The following UMOD variants were observed in gnomAD, a reference collection of about 807,000 sequenced individuals.
UMOD encodes the protein uromodulin.
A neutral mutation model predicts 66.0 loss-of-function variants in UMOD; 64 were observed. That is an observed-to-expected ratio of 0.97 (90% CI 0.79 to 1.19). The LOEUF (loss-of-function observed/expected upper bound fraction) is 1.19, where lower values mean the gene tolerates loss of function less well. Ranked by LOEUF, UMOD falls within the 50% of genes most tolerant of loss-of-function variation. The probability of loss-of-function intolerance (pLI) is 0.00; values close to 1 mark genes in which losing one functional copy is unlikely to be tolerated. For synonymous variants in UMOD, 398 were observed against 352.7 expected, an observed-to-expected ratio of 1.13 and a Z score of -1.44; for missense variants, 764 against 850.9, an observed-to-expected ratio of 0.90 and a Z score of 1.27.
chr16:20,350,586 C>G, intron 2 of UMOD, 64 bp downstream of exon 2: 1 of 1,589,406 alleles, frequency 6.3e-7, no homozygotes. Context: ...ACATTGCTTC[C>G]CCCACACATT....
intron 7 of UMOD, among the ~76,000 whole-genome samples, chr16:20,339,781 T>G (rs538698779): frequency 6.6e-6 from 1 of 152,364 alleles, no homozygotes; most frequent in East Asian, 1.9e-4. Flanking sequence ...CCCTTTAGAA[T>G]ATAAGCTGTG....
Position 20,335,496 on chromosome 16 carries a change from G to A in UMOD, c.1847C>T (p.Ala616Val). Residue 616 changes from alanine (A) to valine (V), a missense_variant, in exon 10 of 11, where the codon GCT (alanine) becomes GTT (valine). By Grantham distance (64) the Ala-to-Val change is moderately conservative. Transcript: ENST00000396138. ...RKGVQATVSR[A>V]FSSLGLLKVW... is the part of the protein sequence containing the mutation. ...CCTGAACTTACCCAAGCTGCTAAAA[G>A]CCCTTGAGACTGTGGCCTGGACACC... 6.2e-7 allele frequency: 1 copy of A among 1,614,134 alleles called. No individual in the cohort carries two copies. Among genetic ancestry groups the A allele is most frequent in the African/African-American group, 1.3e-5 (1 of 75,040 alleles).
chr16:20,337,023 G>A (rs1176766415), intron 8 of UMOD, among the ~76,000 whole-genome samples: 1 of 152,192 alleles, frequency 6.6e-6, no homozygotes, highest in African/African-American at 2.4e-5. Flanking sequence ...CAAATAAAGT[G>A]GGCACAGTGC....
Position 20,352,680 on chromosome 16 carries a change from T to G in UMOD, c.-103+9A>C, listed in dbSNP as rs1047463878. 33 of 1,231,558 alleles carry G rather than the reference T, an allele frequency of 2.7e-5. No homozygotes were observed. The African/African-American group carries it at 4.8e-4, about 18-fold the overall frequency. The allele number at this position is 1,231,558 out of a possible 1,614,324, so 76.3% of individuals were successfully genotyped here. A position where few individuals can be genotyped will look rare whatever the true frequency, so the allele number is the denominator to read the frequency against. ...TGGGCTAGGAGAAGACAGCTACAGA[T>G]AGCCTTACCTGAAGCCAGAAAGGTA... is the stretch of plus-strand genomic sequence containing the variant. On this transcript the variant is annotated intron_variant, in intron 1 of 10. Transcript: ENST00000396138.
chr16:20,350,573 G>A, intron 2 of UMOD, 77 bp downstream of exon 2: 1 of 1,553,296 alleles, frequency 6.4e-7, no homozygotes, highest in Non-Finnish European at 8.8e-7. Context: ...TCTGACAGGT[G>A]CTACATTGCT....
intron 1 of UMOD, chr16:20,352,412 A>G (rs994618438): frequency 1.2e-5 from 4 of 344,912 alleles, no homozygotes; most frequent in East Asian, 4.3e-5. Flanking sequence ...GCACATAGCA[A>G]GTTGTTCATT....
At chr16:20,339,364 T>A (rs1314935208) in intron 7 of UMOD, among the ~76,000 whole-genome samples, 1 of 152,272 alleles carries the variant, frequency 6.6e-6, no homozygotes, top group African/African-American at 2.4e-5. Context: ...TATTTTTTAC[T>A]GAAATACATT....
chr16:20,346,068 G>A, intron 5 of UMOD, 58 bp downstream of exon 5: 1 of 1,530,084 alleles, frequency 6.5e-7, no homozygotes, highest in Middle Eastern at 2.3e-4. Context: ...GGAAGTGATA[G>A]AGCTGAAGCT....
In UMOD at chr16:20,350,751, C is replaced by T; in HGVS notation, c.-14G>A. On this transcript the variant is annotated 5_prime_UTR_variant, in exon 2 of 11. Coordinates refer to ENST00000396138, the MANE Select transcript of UMOD (RefSeq NM_003361.4). ...TGGCTGCCCCATCCTTTCTGCTCTT[C>T]CCGCTACTTCAGGTCTAGATAGCAC... is the stretch of plus-strand genomic sequence containing the variant. The T allele has an allele frequency of 6.2e-7, 1 of 1,610,460 alleles. No homozygotes were observed. Among genetic ancestry groups the T allele is most frequent in the Non-Finnish European group, 8.5e-7 (1 of 1,178,026 alleles).
intron 7 of UMOD, among the ~76,000 whole-genome samples, chr16:20,338,720 C>T (rs1965018689): frequency 6.6e-6 from 1 of 152,034 alleles, no homozygotes; most frequent in Admixed American, 6.6e-5. Flanking sequence ...TCTCGAACTC[C>T]TGACCTCGTG....
chr16:20,340,721 G>A (rs574438003), intron 7 of UMOD, among the ~76,000 whole-genome samples: 7 of 151,964 alleles, frequency 4.6e-5, no homozygotes, highest in African/African-American at 1.4e-4. Flanking sequence ...TCAGCCAGGC[G>A]TGGTGGCTCA....
chr16:20,349,269 G>T, intron 2 of UMOD, 57 bp from the exon 3 acceptor site: 1 of 1,569,150 alleles, frequency 6.4e-7, no homozygotes, highest in South Asian at 1.1e-5. Context: ...TGGCCACCCA[G>T]AGATCCTTCC....
chr16:20,346,874 A>C (rs1965612467), intron 4 of UMOD, among the ~76,000 whole-genome samples: 1 of 87,094 alleles, frequency 1.1e-5, no homozygotes, highest in African/African-American at 5.5e-5. Context: ...ATAATAAAAA[A>C]AAGAAAGAGA....
chr16:20,341,449 C>T (rs756384439), intron 6 of UMOD, 113 bp from the exon 7 acceptor site: 39 of 1,565,880 alleles, frequency 2.5e-5, no homozygotes, highest in Admixed American at 1.4e-4. Context: ...CATTTTTATC[C>T]AGCAATAAGA....
At position 20,348,433 on chromosome 16, in the gene UMOD, G is replaced by A; in HGVS notation, c.865+3C>T. ...TGAGGACTGTGGGGAGACTCCGGCTGACCTGTGCAGTACGCCAGGTGACAC... is the reference window on the plus strand; with the variant it reads ...TGAGGACTGTGGGGAGACTCCGGCTAACCTGTGCAGTACGCCAGGTGACAC... On this transcript the variant is annotated splice_donor_region_variant and intron_variant, in intron 3 of 10. Coordinates refer to ENST00000396138, the MANE Select transcript of UMOD (RefSeq NM_003361.4). The A allele has an allele frequency of 6.2e-6, 10 of 1,613,968 alleles. No homozygotes were observed. Among genetic ancestry groups the A allele is most frequent in the Non-Finnish European group, 7.6e-6 (9 of 1,180,012 alleles).
chr16:20,334,614 TATGTGTGC>T (rs1351547315), intron 10 of UMOD, among the ~76,000 whole-genome samples: 2 of 152,088 alleles, frequency 1.3e-5, no homozygotes. Context: ...ACAGCATAGG[TATGTGTGC>T]ATGTGTACAG....
intron 9 of UMOD, 100 bp downstream of exon 9, chr16:20,336,546 A>C: frequency 5.1e-5 from 57 of 1,126,630 alleles, no homozygotes; most frequent in Non-Finnish European, 7.0e-5. Flanking sequence ...CCAGTTCTTC[A>C]GAGCTCAGTA....
chr16:20,349,251 T>C, intron 2 of UMOD, 39 bp from the exon 3 acceptor site: 1 of 1,600,702 alleles, frequency 6.2e-7, no homozygotes, highest in African/African-American at 1.3e-5. Flanking sequence ...TTTGGGCAGC[T>C]GGGCCCATGG....
At chr16:20,349,765 T>TTCTGCCAGA (rs66507639) in intron 2 of UMOD, 266,872 of 1,546,240 alleles carry the variant, frequency 0.17, 24,289 homozygotes, top group Middle Eastern at 0.2. Flanking sequence ...ATTTTATGTT[T>TTCTGCCAGA]TCTGCTTCCC....
Sources: allele counts gnomAD v4.1 joint callset (sites outside exome capture counted in the v4.1 genomes callset), GRCh38; gene constraint gnomAD v4.1.1; transcripts MANE v1.5; gene names NCBI Gene and HGNC (gene_info 2026-07-23, HGNC 2026-07-21).